The following GHR variants were observed in gnomAD, a reference collection of about 807,000 sequenced individuals.
The protein encoded by GHR is growth hormone receptor, also known as GH receptor.
A neutral mutation model predicts 67.1 loss-of-function variants in GHR; 35 were observed. That is an observed-to-expected ratio of 0.52 (90% CI 0.40 to 0.69). GHR has a LOEUF of 0.69. GHR is among the 30% of genes least tolerant of loss of function. GHR has a pLI of 0.00. For synonymous variants in GHR, 272 were observed against 269.1 expected, an observed-to-expected ratio of 1.01 and a Z score of -0.10; for missense variants, 792 against 764.6, an observed-to-expected ratio of 1.04 and a Z score of -0.42.
At chr5:42,570,975 G>A (rs183408884) in intron 2 of GHR, among the ~76,000 whole-genome samples, 1 of 152,304 alleles carries the variant, frequency 6.6e-6, no homozygotes, top group East Asian at 1.9e-4. Flanking sequence ...ACACGGGGAT[G>A]TTAAGAAGAC....
chr5:42,591,577 A>G (rs1393562475), intron 2 of GHR, among the ~76,000 whole-genome samples: 1 of 152,136 alleles, frequency 6.6e-6, no homozygotes, highest in Non-Finnish European at 1.5e-5. Flanking sequence ...AGGGAATATC[A>G]TGCAGTTGCC....
At chr5:42,595,983 C>A (rs1413398804) in intron 2 of GHR, among the ~76,000 whole-genome samples, 2 of 152,198 alleles carry the variant, frequency 1.3e-5, no homozygotes, top group Non-Finnish European at 2.9e-5. Flanking sequence ...GAAGGACTCT[C>A]ACTTCAGTTT....
At chr5:42,702,712 C>T (rs78800433) in intron 6 of GHR, among the ~76,000 whole-genome samples, 6,458 of 152,028 alleles carry the variant, frequency 0.042, 192 homozygotes, top group African/African-American at 0.084. Context: ...CACTTGTTAT[C>T]TCTTCTTTTT....
At chr5:42,683,965 G>T (rs1561225359) in intron 3 of GHR, among the ~76,000 whole-genome samples, 2 of 146,324 alleles carry the variant, frequency 1.4e-5, no homozygotes, top group African/African-American at 5.0e-5. Context: ...TTCTTTTTAA[G>T]TTTTTTTTTT....
intron 1 of GHR, among the ~76,000 whole-genome samples, chr5:42,521,969 G>A (rs560250822): frequency 6.6e-6 from 1 of 152,264 alleles, no homozygotes; most frequent in South Asian, 2.1e-4. Context: ...AAGCTAAAGT[G>A]TTGGTTTTTC....
At chr5:42,467,576 T>C (rs1288959640) in intron 1 of GHR, 1 of 1,580,198 alleles carries the variant, frequency 6.3e-7, no homozygotes, top group Admixed American at 1.7e-5. Flanking sequence ...GAGAGGTTTT[T>C]TTGATATACA....
chr5:42,689,345 A>G (rs1757312067), intron 4 of GHR, among the ~76,000 whole-genome samples: 1 of 152,196 alleles, frequency 6.6e-6, no homozygotes. Flanking sequence ...AAAGCCAGAA[A>G]GCAGCATATC....
chr5:42,530,023 T>TG (rs1747894438), intron 1 of GHR, among the ~76,000 whole-genome samples: 1 of 124,516 alleles, frequency 8.0e-6, no homozygotes, highest in African/African-American at 3.2e-5. Context: ...TTTTTTTTTT[T>TG]GCTTTGCAAA....
chr5:42,557,654 A>C (rs991730330), intron 1 of GHR, among the ~76,000 whole-genome samples: 5 of 152,154 alleles, frequency 3.3e-5, no homozygotes, highest in Non-Finnish European at 7.4e-5. Context: ...CTGTGACTCC[A>C]AAGCACATTC....
intron 1 of GHR, among the ~76,000 whole-genome samples, chr5:42,563,816 C>A (rs1006287358): frequency 2.0e-5 from 3 of 151,960 alleles, no homozygotes; most frequent in African/African-American, 7.2e-5. Flanking sequence ...AGAAAAGAGA[C>A]AGAATCAAAT....
At position 42,712,979 on chromosome 5, in the gene GHR, T is replaced by C. The variant is rs569021575; in HGVS notation, c.785-450T>C. Among the ~76,000 whole-genome samples, 3 of 152,024 alleles carry C rather than the reference T, an allele frequency of 2.0e-5. No individual in the cohort carries two copies. The East Asian group carries it at 5.8e-4, about 29-fold the overall frequency. On this transcript the variant is annotated intron_variant, in intron 7 of 9. Coordinates refer to ENST00000230882, the MANE Select transcript of GHR (RefSeq NM_000163.5). ...TTTATCAATAAAAACTCTGCCTTCATCTTTTTGATAAATCTTCAATCTGGA... is the reference window on the plus strand; with the variant it reads ...TTTATCAATAAAAACTCTGCCTTCACCTTTTTGATAAATCTTCAATCTGGA...
At chr5:42,613,232 G>C (rs748630490) in intron 2 of GHR, among the ~76,000 whole-genome samples, 2 of 152,068 alleles carry the variant, frequency 1.3e-5, no homozygotes, top group African/African-American at 4.8e-5. Context: ...CACTGACCGA[G>C]TTTGTAATGA....
At chr5:42,534,469 C>CATATGTATATGTGTAT (rs2112353987) in intron 1 of GHR, among the ~76,000 whole-genome samples, 1 of 139,074 alleles carries the variant, frequency 7.2e-6, no homozygotes. Context: ...TATATATGTA[C>CATATGTATATGTGTAT]ATATGTATAT....
At chr5:42,597,967 C>A (rs770261448) in intron 2 of GHR, among the ~76,000 whole-genome samples, 5 of 152,070 alleles carry the variant, frequency 3.3e-5, no homozygotes, top group Non-Finnish European at 5.9e-5. Context: ...AATTATTATA[C>A]CTCAGAAATG....
chr5:42,568,413 G>A (rs1270738460), intron 2 of GHR, among the ~76,000 whole-genome samples: 2 of 152,278 alleles, frequency 1.3e-5, no homozygotes, highest in East Asian at 3.9e-4. Context: ...GTCTAGAGGA[G>A]AATTTTTTAT....
chr5:42,532,355 T>A (rs923411535), intron 1 of GHR, among the ~76,000 whole-genome samples: 2 of 151,690 alleles, frequency 1.3e-5, no homozygotes, highest in Non-Finnish European at 2.9e-5. Context: ...AGATGATAGA[T>A]AGATAGATAG....
At chr5:42,688,396 C>T (rs138494909) in intron 3 of GHR, among the ~76,000 whole-genome samples, 229 of 152,300 alleles carry the variant, frequency 1.5e-3, no homozygotes, top group African/African-American at 5.4e-3. Context: ...AGATAAATAT[C>T]CTAGCCTCTC....
chr5:42,572,346 G>A (rs917786954), intron 2 of GHR, among the ~76,000 whole-genome samples: 1 of 152,142 alleles, frequency 6.6e-6, no homozygotes, highest in African/African-American at 2.4e-5. Flanking sequence ...CCAAGCAGCA[G>A]GCAATGTGGC....
chr5:42,552,902 TA>T (rs1371944703), intron 1 of GHR, among the ~76,000 whole-genome samples: 1 of 152,186 alleles, frequency 6.6e-6, no homozygotes, highest in African/African-American at 2.4e-5. Context: ...AGCTGTAAAT[TA>T]TTTACTAGTT....
Sources: allele counts gnomAD v4.1 joint callset (sites outside exome capture counted in the v4.1 genomes callset), GRCh38; gene constraint gnomAD v4.1.1; transcripts MANE v1.5; gene names NCBI Gene and HGNC (gene_info 2026-07-23, HGNC 2026-07-21).